Variants in CSMD3 observed in about 807,000 individuals in gnomAD.
CSMD3 encodes CUB and sushi domain-containing protein 3.
CSMD3 carries 177 observed loss-of-function variants against 435.2 expected under a neutral mutation model. That is an observed-to-expected ratio of 0.41 (90% CI 0.36 to 0.46). CSMD3 has a LOEUF of 0.46. Ranked by LOEUF, CSMD3 falls within the 20% of genes least tolerant of loss-of-function variation. The pLI, the probability that CSMD3 is intolerant of heterozygous loss-of-function variation, is 0.34. For missense variants in CSMD3, 4,265 were observed against 4,504.6 expected (o/e 0.95, Z 1.52); for synonymous variants, 1,656 against 1,520.5 (o/e 1.09, Z -2.07).
chr8:112,231,555 TAGG>T lies in CSMD3; in HGVS notation c.10815_10817del (p.Leu3606del), dbSNP rs1197012628. ...AAATGAATACATTACCCAGTCTTTG[TAGG>T]CCAAATTGTCCATAATCTTTGCCTT... On this transcript the variant is annotated inframe_deletion, in exon 69 of 71. Coordinates refer to ENST00000297405, the MANE Select transcript of CSMD3 (RefSeq NM_198123.2). 6.3e-7 allele frequency: 1 copy of T among 1,599,316 alleles called. No homozygotes were observed. Among genetic ancestry groups the T allele is most frequent in the Admixed American group, 1.7e-5 (1 of 59,980 alleles).
At chr8:113,365,962 T>G (rs2094308796) in intron 1 of CSMD3, among the ~76,000 whole-genome samples, 2 of 151,974 alleles carry the variant, frequency 1.3e-5, no homozygotes, top group South Asian at 4.1e-4. Context: ...TTATAACATA[T>G]CCAGTTTAAT....
At chr8:112,253,135 A>G (rs888860265) in intron 63 of CSMD3, among the ~76,000 whole-genome samples, 2 of 151,922 alleles carry the variant, frequency 1.3e-5, no homozygotes, top group African/African-American at 4.8e-5. Context: ...TTCTGTTAGA[A>G]TATGTCACCA....
At chr8:112,848,224 T>C (rs558725394) in intron 11 of CSMD3, among the ~76,000 whole-genome samples, 1 of 152,258 alleles carries the variant, frequency 6.6e-6, no homozygotes, top group East Asian at 1.9e-4. Flanking sequence ...CCAGTAACTA[T>C]GCCTTATGGT....
At chr8:113,368,459 G>A (rs1194734448) in intron 1 of CSMD3, among the ~76,000 whole-genome samples, 1 of 152,068 alleles carries the variant, frequency 6.6e-6, no homozygotes, top group Non-Finnish European at 1.5e-5. Context: ...GAGTGTGTAC[G>A]TCTTCTATAA....
chr8:112,402,748 G>A (rs919223465), intron 35 of CSMD3, among the ~76,000 whole-genome samples: 20 of 152,174 alleles, frequency 1.3e-4, no homozygotes, highest in Admixed American at 7.9e-4. Flanking sequence ...GAGTTTTGAA[G>A]AGAGTTATTA....
At chr8:112,296,057 G>C (rs776207447) in intron 53 of CSMD3, 51 bp from the exon 54 acceptor site, 3 of 1,431,562 alleles carry the variant, frequency 2.1e-6, no homozygotes, top group South Asian at 1.2e-5. Context: ...TGTTTTATTT[G>C]TATATTTATA....
chr8:112,570,806 T>A (rs565754534), intron 24 of CSMD3, among the ~76,000 whole-genome samples: 124 of 152,318 alleles, frequency 8.1e-4, no homozygotes, highest in African/African-American at 2.9e-3. Context: ...TATGCCAAGA[T>A]ACCTTGGAAG....
intron 68 of CSMD3, among the ~76,000 whole-genome samples, chr8:112,234,153 C>G (rs1813351265): frequency 7.1e-6 from 1 of 140,652 alleles, no homozygotes; most frequent in African/African-American, 3.0e-5. Context: ...ACCCCACCAC[C>G]ACACACACAC....
intron 10 of CSMD3, among the ~76,000 whole-genome samples, chr8:112,909,050 G>T (rs1163287600): frequency 6.6e-6 from 1 of 150,990 alleles, no homozygotes; most frequent in Non-Finnish European, 1.5e-5. Context: ...TCAGAATTTA[G>T]TAGAAATATC....
At chr8:112,397,705 G>A (rs1174356669) in intron 35 of CSMD3, among the ~76,000 whole-genome samples, 1 of 152,080 alleles carries the variant, frequency 6.6e-6, no homozygotes, top group African/African-American at 2.4e-5. Flanking sequence ...ATTCATGAGA[G>A]CTCTGCCCTC....
At chr8:113,212,223 T>A (rs1234235101) in intron 3 of CSMD3, among the ~76,000 whole-genome samples, 1 of 152,138 alleles carries the variant, frequency 6.6e-6, no homozygotes, top group Non-Finnish European at 1.5e-5. Context: ...TTATTGGTTA[T>A]CAAAGACAAT....
At chr8:112,466,862 T>C (rs1209737036) in intron 32 of CSMD3, among the ~76,000 whole-genome samples, 1 of 152,114 alleles carries the variant, frequency 6.6e-6, no homozygotes, top group Non-Finnish European at 1.5e-5. Flanking sequence ...ATCACTGTTT[T>C]AACATAATAC....
intron 3 of CSMD3, among the ~76,000 whole-genome samples, chr8:113,238,047 C>G (rs951746322): frequency 2.7e-5 from 4 of 147,268 alleles, no homozygotes; most frequent in Admixed American, 6.8e-5. Context: ...TGCACTCCAG[C>G]CTGGGCAACA....
chr8:112,547,786 C>CAG (rs143314530), intron 27 of CSMD3, among the ~76,000 whole-genome samples: 3 of 151,236 alleles, frequency 2.0e-5, no homozygotes, highest in African/African-American at 4.8e-5. Flanking sequence ...TGGAAAGCAG[C>CAG]AGAGAGAGAG....
intron 3 of CSMD3, among the ~76,000 whole-genome samples, chr8:113,258,240 A>G (rs1035472534): frequency 6.6e-6 from 1 of 152,228 alleles, no homozygotes; most frequent in Non-Finnish European, 1.5e-5. Flanking sequence ...ATACATTAAT[A>G]GATAGACAGG....
rs1205477590 is a variant in CSMD3 at position 112,496,853 on chromosome 8, T to A, written c.5084-4170A>T. 2.0e-5 allele frequency among the ~76,000 whole-genome samples: 3 copies of A among 151,444 alleles called. No homozygotes were observed. The East Asian group carries it at 6.0e-4, about 30-fold the overall frequency. ...GGGATAGTTAATTGGTACAAAAAAA[T>A]AATTAAAAAGAATGAATAAGATCCA... is the stretch of plus-strand genomic sequence containing the variant. On this transcript the variant is annotated intron_variant, in intron 30 of 70. Transcript: ENST00000297405.
chr8:113,174,122 C>G (rs2092312587), intron 3 of CSMD3, among the ~76,000 whole-genome samples: 1 of 152,096 alleles, frequency 6.6e-6, no homozygotes, highest in South Asian at 2.1e-4. Context: ...ATTGGTCATT[C>G]TTTATGCTAG....
intron 10 of CSMD3, among the ~76,000 whole-genome samples, chr8:112,866,788 A>T (rs2080996883): frequency 6.6e-6 from 1 of 152,196 alleles, no homozygotes; most frequent in African/African-American, 2.4e-5. Flanking sequence ...TCTGCTGCAC[A>T]TGATGTGATA....
intron 42 of CSMD3, among the ~76,000 whole-genome samples, chr8:112,340,067 C>T (rs1182700446): frequency 6.6e-6 from 1 of 152,034 alleles, no homozygotes; most frequent in Non-Finnish European, 1.5e-5. Flanking sequence ...CAAATAAGAA[C>T]ATTATTTTGA....
Sources: gnomAD v4.1 joint callset for allele counts (sites outside exome capture counted in the v4.1 genomes callset) on GRCh38, gnomAD v4.1.1 for gene constraint, MANE v1.5 for transcripts, NCBI Gene and HGNC (gene_info 2026-07-23, HGNC 2026-07-21) for gene names.